Variants in ME2 observed in about 807,000 individuals in gnomAD.
The protein encoded by ME2 is malic enzyme 2, also known as NAD-dependent malic enzyme, mitochondrial.
Under a neutral mutation model 73.7 loss-of-function variants are expected in ME2, and 60 were observed. That is an observed-to-expected ratio of 0.81 (90% CI 0.66 to 1.01). The LOEUF (loss-of-function observed/expected upper bound fraction) is 1.01, where lower values mean the gene tolerates loss of function less well. Among genes scored for constraint, ME2 ranks in the 50% least tolerant of loss-of-function variants. The pLI, the probability that ME2 is intolerant of heterozygous loss-of-function variation, is 0.00. For synonymous variants in ME2, 199 were observed against 236.9 expected, an observed-to-expected ratio of 0.84 and a Z score of 1.47; for missense variants, 594 against 705.5, an observed-to-expected ratio of 0.84 and a Z score of 1.79.
At position 50,908,712 on chromosome 18, in the gene ME2, C is replaced by T. The variant is rs184822737; in HGVS notation, c.242+516C>T. On this transcript the variant is annotated intron_variant, in intron 3 of 15. Transcript: ENST00000321341. Reference sequence around the variant, plus strand: ...CTGGAGTGCAGTGGTGCGATCTCAGCTTACTGCAGTCTCCGCCTCCCAAGT... The same window carrying T: ...CTGGAGTGCAGTGGTGCGATCTCAGTTTACTGCAGTCTCCGCCTCCCAAGT... 5.8e-3 allele frequency among the ~76,000 whole-genome samples: 886 copies of T among 152,192 alleles called. 6 individuals are homozygous for T. The highest frequency in any genetic ancestry group is 0.021 in the African/African-American group (856 of 41,506).
chr18:50,939,864 T>A, intron 14 of ME2: 1 of 491,556 alleles, frequency 2.0e-6, no homozygotes, highest in Non-Finnish European at 3.6e-6. Context: ...ACACTTAGAC[T>A]ATACTTGCAA....
At chr18:50,942,255 G>A (rs1005851764) in intron 15 of ME2, among the ~76,000 whole-genome samples, 9 of 152,052 alleles carry the variant, frequency 5.9e-5, no homozygotes, top group African/African-American at 1.7e-4. Context: ...TGATTAATGC[G>A]TCCGTTGTTT....
intron 3 of ME2, among the ~76,000 whole-genome samples, chr18:50,909,547 A>G (rs1238645589): frequency 6.6e-6 from 1 of 152,206 alleles, no homozygotes; most frequent in Non-Finnish European, 1.5e-5. Context: ...CGGTCTGCAT[A>G]TAGAACTAAG....
Position 50,947,220 on chromosome 18 carries a change from G to A in ME2, c.*36G>A, listed in dbSNP as rs1918106675. 6.3e-7 allele frequency: 1 copy of A among 1,590,556 alleles called. No individual in the cohort carries two copies. The highest frequency in any genetic ancestry group is 1.4e-5 in the African/African-American group (1 of 73,716). On this transcript the variant is annotated 3_prime_UTR_variant, in exon 16 of 16. Transcript: ENST00000321341. ...CTGATAAATACTTTCTGTGCTCCAG[G>A]GAACCCCTTTTTTCAGACAAGAAGA...
chr18:50,895,316 GAC>G (rs968857111), intron 1 of ME2, among the ~76,000 whole-genome samples: 24 of 152,120 alleles, frequency 1.6e-4, no homozygotes, highest in African/African-American at 5.3e-4. Context: ...GGTTTTCTAA[GAC>G]AAAAAATTCT....
Position 50,947,538 on chromosome 18 carries a change from A to G in ME2, c.*354A>G, listed in dbSNP as rs937224873. On this transcript the variant is annotated 3_prime_UTR_variant, in exon 16 of 16. Coordinates refer to ENST00000321341, the MANE Select transcript of ME2 (RefSeq NM_002396.5). ...TATGGGTAATACTCTTCTCTGGCCT[A>G]GTTCTTACAGAGCTACTAAAATAGA... 1 of 165,892 alleles carries G rather than the reference A, an allele frequency of 6.0e-6. No individual in the cohort carries two copies. Among genetic ancestry groups the G allele is most frequent in the African/African-American group, 2.4e-5 (1 of 42,038 alleles). 10.3% of individuals were successfully genotyped at this position (165,892 alleles called of 1,614,324 possible). A position where few individuals can be genotyped will look rare whatever the true frequency, so the allele number is the denominator to read the frequency against.
At chr18:50,945,187 A>C (rs974162638) in intron 15 of ME2, 3 of 152,208 alleles carry the variant, frequency 2.0e-5, no homozygotes, top group Non-Finnish European at 4.4e-5. Context: ...GTGCAATCTC[A>C]GTTCAACACA....
In ME2 at chr18:50,890,388, C is replaced by G. The variant is rs183132616; in HGVS notation, c.-12-5421C>G. Among the ~76,000 whole-genome samples, 97 of 152,202 alleles carry G rather than the reference C, an allele frequency of 6.4e-4. 1 individual carries two copies. Among genetic ancestry groups the G allele is most frequent in the African/African-American group, 2.3e-3 (94 of 41,554 alleles). On this transcript the variant is annotated intron_variant, in intron 1 of 15. Coordinates refer to ENST00000321341, the MANE Select transcript of ME2 (RefSeq NM_002396.5). ...CTCAGCCTCCCAAAGTGGTGGGATT[C>G]CAGGCATGCACCACTGTGCAGGGCC...
rs1918228070 is a variant in ME2, at chr18:50,951,635, T to G, written c.*4451T>G. The G allele has an allele frequency of 6.6e-6, 1 of 151,504 alleles. No homozygotes were observed. Among genetic ancestry groups the G allele is most frequent in the Non-Finnish European group, 1.5e-5 (1 of 67,912 alleles). The allele number at this position is 151,504 out of a possible 1,614,324, so 9.4% of individuals were successfully genotyped here. ...GGCTCACGCCTATAATCCCAGCACT[T>G]TGGGAGGCCAAGGCAGGCGGATCAC... On this transcript the variant is annotated 3_prime_UTR_variant, in exon 16 of 16. Coordinates refer to ENST00000321341, the MANE Select transcript of ME2 (RefSeq NM_002396.5).
Position 50,908,247 on chromosome 18 carries a change from C to T in ME2, c.242+51C>T, listed in dbSNP as rs193177140. On this transcript the variant is annotated intron_variant, in intron 3 of 15. Transcript: ENST00000321341. Reference sequence around the variant, plus strand: ...TTTTATTGGTATTCTGATTAGAAAACTTATGAGCATTATGGTTATTATGGC... The same window carrying T: ...TTTTATTGGTATTCTGATTAGAAAATTTATGAGCATTATGGTTATTATGGC... 76 of 1,386,276 alleles carry T rather than the reference C, an allele frequency of 5.5e-5. No individual in the cohort carries two copies. In the Admixed American group the frequency reaches 8.2e-4, roughly 15 times the overall value. 85.9% of individuals were successfully genotyped at this position (1,386,276 alleles called of 1,614,324 possible). A position where few individuals can be genotyped will look rare whatever the true frequency, so the allele number is the denominator to read the frequency against.
intron 1 of ME2, among the ~76,000 whole-genome samples, chr18:50,890,111 C>CA (rs900893132): frequency 2.2e-4 from 33 of 149,302 alleles, no homozygotes; most frequent in Admixed American, 2.7e-4. Context: ...CCCCATTTTC[C>CA]AAAAAAAAAT....
intron 1 of ME2, among the ~76,000 whole-genome samples, chr18:50,891,959 C>T (rs1057194860): frequency 1.3e-5 from 2 of 151,456 alleles, no homozygotes; most frequent in South Asian, 2.1e-4. Context: ...CACCACCACA[C>T]CCAGCTAATT....
intron 2 of ME2, among the ~76,000 whole-genome samples, chr18:50,907,527 G>A (rs1180573063): frequency 1.3e-5 from 2 of 152,284 alleles, no homozygotes; most frequent in African/African-American, 4.8e-5. Flanking sequence ...TTAACCCATA[G>A]TCAAATGCCA....
chr18:50,924,135 T>G lies in ME2; in HGVS notation c.1094T>G (p.Phe365Cys). 1 of 1,613,516 alleles carries G rather than the reference T, an allele frequency of 6.2e-7. No individual in the cohort carries two copies. The highest frequency in any genetic ancestry group is 8.5e-7 in the Non-Finnish European group (1 of 1,179,706). ...AAAATAGATAGTTATCAGGAACCAT[T>G]TACTCACTCAGCCCCAGAGAGCATA... The part of the protein sequence containing the change: ...KAKIDSYQEP[F>C]THSAPESIPD... The change falls in exon 11 of 16, where the codon TTT becomes TGT. Residue 365 changes from phenylalanine (F) to cysteine (C), a missense_variant. Transcript: ENST00000321341.
rs1918260683 is a variant in ME2, at chr18:50,953,261, G to C, written c.*6077G>C. On this transcript the variant is annotated 3_prime_UTR_variant, in exon 16 of 16. Transcript: ENST00000321341. ...CTACAGGCGCCCGCCACCTCGCCCA[G>C]CTAATTTTTTGTATTTTTAGTAGAG... 1 of 152,082 alleles carries C rather than the reference G, an allele frequency of 6.6e-6. No individual in the cohort carries two copies. The highest frequency in any genetic ancestry group is 6.6e-5 in the Admixed American group (1 of 15,266). 9.4% of individuals were successfully genotyped at this position (152,082 alleles called of 1,614,324 possible). A position where few individuals can be genotyped will look rare whatever the true frequency, so the allele number is the denominator to read the frequency against.
chr18:50,949,962 T>C lies in ME2; in HGVS notation c.*2778T>C, dbSNP rs916217595. On this transcript the variant is annotated 3_prime_UTR_variant, in exon 16 of 16. Transcript: ENST00000321341. ...AATGGCATCAAGCTGGAAAAGAAAT[T>C]AAAACATTACCTTCGATGAGACTTT... The C allele has an allele frequency of 1.3e-5, 2 of 152,220 alleles. No individual in the cohort carries two copies. Among genetic ancestry groups the C allele is most frequent in the Non-Finnish European group, 2.9e-5 (2 of 68,038 alleles). The allele number at this position is 152,220 out of a possible 1,614,324, so 9.4% of individuals were successfully genotyped here.
intron 2 of ME2, among the ~76,000 whole-genome samples, chr18:50,901,028 A>G (rs1916876638): frequency 6.6e-6 from 1 of 152,212 alleles, no homozygotes; most frequent in African/African-American, 2.4e-5. Flanking sequence ...TTCTGTACCA[A>G]AACAACATAA....
At chr18:50,941,230 C>T (rs1430514451) in intron 15 of ME2, among the ~76,000 whole-genome samples, 1 of 133,388 alleles carries the variant, frequency 7.5e-6, no homozygotes, top group Middle Eastern at 4.1e-3. Context: ...CATTGCACTC[C>T]AGCCTGGGCC....
intron 5 of ME2, 34 bp from the exon 6 acceptor site, chr18:50,917,313 G>C (rs371937455): frequency 4.5e-5 from 70 of 1,570,098 alleles, no homozygotes; most frequent in Non-Finnish European, 5.8e-5. Context: ...CCCCATTTTT[G>C]ACAACTTTTA....
Sources: allele counts gnomAD v4.1 joint callset (sites outside exome capture counted in the v4.1 genomes callset), GRCh38; gene constraint gnomAD v4.1.1; transcripts MANE v1.5; gene names NCBI Gene and HGNC (gene_info 2026-07-23, HGNC 2026-07-21).